CAPN2: variants seen among roughly 807,000 people sequenced by gnomAD.
CAPN2 encodes calpain 2.
A neutral mutation model predicts 102.3 loss-of-function variants in CAPN2; 92 were observed. The ratio of observed to expected loss-of-function variants is 0.90; its 90% CI spans 0.76 to 1.07. CAPN2 has a LOEUF of 1.07. CAPN2 is among the 50% of genes least tolerant of loss of function. The pLI, the probability that CAPN2 is intolerant of heterozygous loss-of-function variation, is 0.00. For synonymous variants in CAPN2, 340 were observed against 355.4 expected (o/e 0.96, Z 0.49); for missense variants, 800 against 909.4 (o/e 0.88, Z 1.55).
intron 5 of CAPN2, 143 bp from the exon 6 acceptor site, chr1:223,748,896 C>T: frequency 2.7e-6 from 2 of 733,786 alleles, no homozygotes; most frequent in Non-Finnish European, 4.9e-6. Context: ...CAAGAAAGCG[C>T]AGCCCTGAGC....
intron 2 of CAPN2, among the ~76,000 whole-genome samples, chr1:223,732,369 TTTCTTGATTATATGCTAAAC>T (rs1261814759): frequency 2.0e-5 from 3 of 152,346 alleles, no homozygotes; most frequent in East Asian, 3.9e-4. Context: ...TTTATGGTTA[TTTCTTGATTATATGCTAAAC>T]TTCTTGATTA....
chr1:223,756,938 G>C lies in CAPN2; in HGVS notation c.1306-431G>C, dbSNP rs1319222706. On this transcript the variant is annotated intron_variant, in intron 10 of 20. Coordinates refer to ENST00000295006, the MANE Select transcript of CAPN2 (RefSeq NM_001748.5). This position sits in a 1 kb window ranked among gnomAD's most constrained non-coding sequence, Gnocchi z 4.1. ...TTGAGACAAGAAAACTGAGGCCAGA[G>C]AGGAGAGGGGACTTGCTCAAGGAAA... 1.3e-5 allele frequency among the ~76,000 whole-genome samples: 2 copies of C among 152,206 alleles called. No homozygotes were observed. The highest frequency in any genetic ancestry group is 2.4e-5 in the African/African-American group (1 of 41,454).
At chr1:223,751,621 A>AGAGGCCAAG (rs751500334) in intron 7 of CAPN2, among the ~76,000 whole-genome samples, 14,658 of 152,118 alleles carry the variant, frequency 0.096, 1,725 homozygotes, top group African/African-American at 0.27. Context: ...CCCAGGCCTC[A>AGAGGCCAAG]GCCGGAGGCT....
rs1275819089 is a variant in CAPN2 at position 223,727,195 on chromosome 1, A to T, written c.307+9364A>T. 6.6e-6 allele frequency among the ~76,000 whole-genome samples: 1 copy of T among 152,202 alleles called. No homozygotes were observed. The highest frequency in any genetic ancestry group is 2.4e-5 in the African/African-American group (1 of 41,436). On this transcript the variant is annotated intron_variant, in intron 2 of 20. Coordinates refer to ENST00000295006, the MANE Select transcript of CAPN2 (RefSeq NM_001748.5). The surrounding 1 kb of genome is among the most constrained non-coding windows in gnomAD (Gnocchi z 4.1). ...CAGTCTTCAGTAGCTTGGTCTGTTT[A>T]TCGTGTATCTAGCTGTCAGCATGCA...
intron 6 of CAPN2, among the ~76,000 whole-genome samples, chr1:223,750,011 A>G (rs1428850010): frequency 6.6e-6 from 1 of 151,660 alleles, no homozygotes; most frequent in Non-Finnish European, 1.5e-5. Flanking sequence ...CCATGTCTCA[A>G]AAAAAAAATT....
At chr1:223,761,716 G>A (rs1356648803) in intron 13 of CAPN2, 99 bp downstream of exon 13, 6 of 964,600 alleles carry the variant, frequency 6.2e-6, no homozygotes, top group Non-Finnish European at 9.8e-6. Flanking sequence ...CACGAACAAA[G>A]CCTGAAACTA....
Position 223,752,945 on chromosome 1 carries a change from G to T in CAPN2, c.1124G>T (p.Arg375Met). ...CGGGGCTCCACCGCGGGAGGTTGCA[G>T]GAACTACCCGAGTAAGGGCTGTTGC... ...WRRGSTAGGC[R>M]NYPNTFWMNP... Residue 375 changes from arginine (R) to methionine (M), a missense_variant, in exon 9 of 21, where the codon AGG (arginine) becomes ATG (methionine). Coordinates refer to ENST00000295006, the MANE Select transcript of CAPN2 (RefSeq NM_001748.5). 6.2e-7 allele frequency: 1 copy of T among 1,614,098 alleles called. No homozygotes were observed. Among genetic ancestry groups the T allele is most frequent in the South Asian group, 1.1e-5 (1 of 91,072 alleles).
At chr1:223,723,990 A>G (rs1660126946) in intron 2 of CAPN2, among the ~76,000 whole-genome samples, 1 of 151,410 alleles carries the variant, frequency 6.6e-6, no homozygotes, top group African/African-American at 2.4e-5. Flanking sequence ...GCCTCTTTAG[A>G]TTTTCCACCA....
chr1:223,704,864 C>CA (rs1659568277), intron 1 of CAPN2, among the ~76,000 whole-genome samples: 1 of 152,192 alleles, frequency 6.6e-6, no homozygotes, highest in Non-Finnish European at 1.5e-5. Flanking sequence ...GTAACCGAGG[C>CA]AGGGGAAATG....
chr1:223,751,215 C>T (rs1011485638), intron 7 of CAPN2, among the ~76,000 whole-genome samples: 1 of 152,182 alleles, frequency 6.6e-6, no homozygotes, highest in Admixed American at 6.5e-5. Context: ...AAGTTCATTC[C>T]TGCCACTGCC....
At chr1:223,721,568 T>C (rs943517357) in intron 2 of CAPN2, among the ~76,000 whole-genome samples, 1 of 152,166 alleles carries the variant, frequency 6.6e-6, no homozygotes, top group Non-Finnish European at 1.5e-5. Context: ...ACCCAGCAAA[T>C]GTTCCCTGGG....
At chr1:223,721,230 G>A (rs1308830152) in intron 2 of CAPN2, among the ~76,000 whole-genome samples, 2 of 152,312 alleles carry the variant, frequency 1.3e-5, no homozygotes, top group South Asian at 4.1e-4. Context: ...TGGAGGAAGG[G>A]CTGGAGACCC....
At chr1:223,751,553 C>G (rs1660897889) in intron 7 of CAPN2, among the ~76,000 whole-genome samples, 1 of 151,818 alleles carries the variant, frequency 6.6e-6, no homozygotes, top group Non-Finnish European at 1.5e-5. Flanking sequence ...GTGCACTGCC[C>G]CTGTGTACAG....
Position 223,772,237 on chromosome 1 carries a change from T to C in CAPN2, c.2077T>C (p.Ser693Pro). The C allele has an allele frequency of 6.2e-7, 1 of 1,613,790 alleles. No individual in the cohort carries two copies. The highest frequency in any genetic ancestry group is 8.5e-7 in the Non-Finnish European group (1 of 1,179,776). Reference protein sequence around the residue: ...NTGTIELDLISWLCFSVL With the variant: ...NTGTIELDLIPWLCFSVL ...TGGAACAATAGAGCTCGACCTTATC[T>C]CTGTGAGTCAGCAGGCCCCGCCTTG... Residue 693 changes from serine to proline, a missense_variant and splice_region_variant, in exon 20 of 21, where the codon TCT (serine) becomes CCT (proline). Ser to Pro is a moderately conservative substitution (Grantham distance 74). Transcript: ENST00000295006.
chr1:223,710,349 G>A (rs954734496), upstream of CAPN2, among the ~76,000 whole-genome samples: 16 of 152,110 alleles, frequency 1.1e-4, no homozygotes, highest in Non-Finnish European at 2.2e-4. Context: ...CTTCTGGAAG[G>A]AGATGCTCTA....
intron 11 of CAPN2, chr1:223,757,705 G>A (rs528463836): frequency 1.1e-4 from 45 of 419,982 alleles, no homozygotes; most frequent in African/African-American, 8.3e-4. Flanking sequence ...TCACTCTTAG[G>A]AGAAGACTGA....
Position 223,775,037 on chromosome 1 carries a change from A to G in CAPN2, c.*180A>G. 1.6e-6 allele frequency: 1 copy of G among 621,222 alleles called. No individual in the cohort carries two copies. Among genetic ancestry groups the G allele is most frequent in the African/African-American group, 1.8e-5 (1 of 54,404 alleles). 38.5% of individuals were successfully genotyped at this position (621,222 alleles called of 1,614,324 possible). A position where few individuals can be genotyped will look rare whatever the true frequency, so the allele number is the denominator to read the frequency against. On this transcript the variant is annotated 3_prime_UTR_variant, in exon 21 of 21. Coordinates refer to ENST00000295006, the MANE Select transcript of CAPN2 (RefSeq NM_001748.5). ...AGATAGCAGAAGTTTCACACATCAA[A>G]GTAAAAGATTTGCATATCATTATAC...
chr1:223,729,172 T>G (rs879297691), intron 2 of CAPN2, among the ~76,000 whole-genome samples: 5 of 152,196 alleles, frequency 3.3e-5, no homozygotes, highest in Admixed American at 1.3e-4. Context: ...ATTTTTCAGC[T>G]TTACAATGGC....
In CAPN2 at chr1:223,718,229, G is replaced by C. The variant is rs138458770; in HGVS notation, c.307+398G>C. ...GACCAATGACAGCACTGAGACATCA[G>C]TTCTGTGAGGTTCAGGAACCAGGGA... On this transcript the variant is annotated intron_variant, in intron 2 of 20. Transcript: ENST00000295006. 6.6e-4 allele frequency among the ~76,000 whole-genome samples: 100 copies of C among 152,396 alleles called. 4 individuals carry two copies. The East Asian group carries it at 0.011, about 17-fold the overall frequency.
Sources: gnomAD v4.1 joint callset for allele counts (sites outside exome capture counted in the v4.1 genomes callset) on GRCh38, gnomAD v4.1.1 for gene constraint, Gnocchi (gnomAD v3.1) non-coding constraint, MANE v1.5 for transcripts, NCBI Gene and HGNC (gene_info 2026-07-23, HGNC 2026-07-21) for gene names.